The following P2RY10 variants were observed in gnomAD, a reference collection of about 807,000 sequenced individuals.
P2RY10 encodes putative P2Y purinoceptor 10.
P2RY10 carries 4 observed loss-of-function variants against 12.1 expected under a neutral mutation model. That is an observed-to-expected ratio of 0.33 (90% CI 0.16 to 0.76). The LOEUF (loss-of-function observed/expected upper bound fraction) is 0.76. Among genes scored for constraint, P2RY10 ranks in the 30% least tolerant of loss-of-function variants. P2RY10 has a pLI of 0.61. For missense variants in P2RY10, 233 were observed against 264.6 expected, an observed-to-expected ratio of 0.88 and a Z score of 0.83; for synonymous variants, 112 against 94.1, an observed-to-expected ratio of 1.19 and a Z score of -1.10.
chrX:78,957,571 G>T (rs1325796839), intron 3 of P2RY10, among the ~76,000 whole-genome samples: 1 of 111,003 alleles, frequency 9.0e-6, no homozygotes, highest in Non-Finnish European at 1.9e-5. Context: ...CTCTAAGAGA[G>T]TCTATGTTTC....
chrX:78,955,129 G>A (rs1922278845), intron 3 of P2RY10, among the ~76,000 whole-genome samples: 2 of 107,756 alleles, frequency 1.9e-5, no homozygotes, highest in Admixed American at 2.0e-4. Flanking sequence ...AGCTAAAATA[G>A]TACTGGTATC....
At chrX:78,951,530 T>C (rs954056390) in intron 2 of P2RY10, among the ~76,000 whole-genome samples, 4 of 111,157 alleles carry the variant, frequency 3.6e-5, no homozygotes, top group Non-Finnish European at 7.5e-5. Flanking sequence ...GCCTATAAAT[T>C]CAGTAGGTGT....
rs1015203409 is a variant in P2RY10, at chrX:78,945,708, A to G, written c.-206+213A>G. On this transcript the variant is annotated intron_variant, in intron 1 of 3. Coordinates refer to ENST00000171757, the MANE Select transcript of P2RY10 (RefSeq NM_014499.4). ...AACGTTAATGCCATCAGTCCTCTTC[A>G]TTATGCCAGGAGCATGGAGTCTGTG... Among the ~76,000 whole-genome samples, 5 of 112,008 alleles carry G rather than the reference A, an allele frequency of 4.5e-5. No homozygotes were observed. The East Asian group carries it at 1.4e-3, about 31-fold the overall frequency.
At chrX:78,946,169 G>A (rs1288684298) in intron 1 of P2RY10, among the ~76,000 whole-genome samples, 1 of 111,533 alleles carries the variant, frequency 9.0e-6, no homozygotes, top group Non-Finnish European at 1.9e-5. Context: ...GCATCTCCCA[G>A]AGAATACTGT....
intron 1 of P2RY10, among the ~76,000 whole-genome samples, chrX:78,947,214 C>CA (rs201603515): frequency 0.015 from 1,486 of 100,425 alleles, 33 homozygotes; most frequent in African/African-American, 0.05. Flanking sequence ...GACTCTGGCT[C>CA]AAAAAAAAAA....
intron 3 of P2RY10, among the ~76,000 whole-genome samples, chrX:78,952,764 C>A (rs1194535318): frequency 9.0e-6 from 1 of 111,672 alleles, no homozygotes; most frequent in East Asian, 2.8e-4. Context: ...AAGAAGAGTG[C>A]TGCTATAAAT....
In P2RY10 at chrX:78,960,841, G is replaced by T. The variant is rs758031797; in HGVS notation, c.321G>T (p.Leu107=). The change falls in exon 4 of 4, where the codon CTG becomes CTT. Residue 107 remains leucine (L), a synonymous_variant. Coordinates refer to ENST00000171757, the MANE Select transcript of P2RY10 (RefSeq NM_014499.4). Reference sequence around the variant, plus strand: ...GGCCTTTCCAGAGAGCCCTTTGCCTGCTCTGCTTCTACCTGAAGTATCTCA... The same window carrying T: ...GGCCTTTCCAGAGAGCCCTTTGCCTTCTCTGCTTCTACCTGAAGTATCTCA... The part of the protein sequence containing the change: ...HHWPFQRALC[L]LCFYLKYLNM... The T allele has an allele frequency of 8.1e-5, 98 of 1,209,024 alleles. No individual in the cohort carries two copies. In the Admixed American group the frequency reaches 2.1e-3, roughly 26 times the overall value.
intron 3 of P2RY10, among the ~76,000 whole-genome samples, chrX:78,960,238 A>T (rs1922540656): frequency 8.9e-6 from 1 of 112,207 alleles, no homozygotes; most frequent in African/African-American, 3.2e-5. Context: ...AAAAGATTTA[A>T]CATTTCAAGA....
chrX:78,961,684 G>C lies in P2RY10; in HGVS notation c.*144G>C, dbSNP rs1922633959. ...TTTGTGTAATATTCACAGTCAACAG[G>C]GGTGTGATGGTGAAGGCAGAGTGTG... On this transcript the variant is annotated 3_prime_UTR_variant, in exon 4 of 4. Coordinates refer to ENST00000171757, the MANE Select transcript of P2RY10 (RefSeq NM_014499.4). 2 of 431,846 alleles carry C rather than the reference G, an allele frequency of 4.6e-6. No homozygotes were observed. The highest frequency in any genetic ancestry group is 7.9e-6 in the Non-Finnish European group (2 of 251,934). 35.6% of individuals were successfully genotyped at this position (431,846 alleles called of 1,213,427 possible).
In P2RY10 at chrX:78,961,707, G is replaced by C. The variant is rs1232449251; in HGVS notation, c.*167G>C. 2.8e-6 allele frequency: 1 copy of C among 363,619 alleles called. No homozygotes were observed. Among genetic ancestry groups the C allele is most frequent in the Non-Finnish European group, 4.8e-6 (1 of 206,943 alleles). The allele number at this position is 363,619 out of a possible 1,213,427, so 30.0% of individuals were successfully genotyped here. On this transcript the variant is annotated 3_prime_UTR_variant, in exon 4 of 4. Coordinates refer to ENST00000171757, the MANE Select transcript of P2RY10 (RefSeq NM_014499.4). ...AGGGGTGTGATGGTGAAGGCAGAGTGTGAAAAACGTGAGAGAGGAAGAGAA... is the reference window on the plus strand; with the variant it reads ...AGGGGTGTGATGGTGAAGGCAGAGTCTGAAAAACGTGAGAGAGGAAGAGAA...
intron 1 of P2RY10, among the ~76,000 whole-genome samples, chrX:78,947,204 G>T (rs1380167199): frequency 5.5e-5 from 6 of 108,540 alleles, no homozygotes; most frequent in African/African-American, 1.4e-4. Context: ...GACAGACCAA[G>T]ACTCTGGCTC....
Position 78,956,614 on chromosome X carries a change from T to C in P2RY10, c.-13-3894T>C, listed in dbSNP as rs190283225. Among the ~76,000 whole-genome samples, 422 of 109,764 alleles carry C rather than the reference T, an allele frequency of 3.8e-3. 4 individuals carry two copies. Among genetic ancestry groups the C allele is most frequent in the Non-Finnish European group, 5.1e-3 (268 of 52,662 alleles). On this transcript the variant is annotated intron_variant, in intron 3 of 3. Transcript: ENST00000171757. ...AAAAACCCTAAATTACAAATGTTGA[T>C]GCTAAAAAGAGAAAGAACAGAGAGT...
At chrX:78,950,029 A>G (rs1922035350) in intron 2 of P2RY10, among the ~76,000 whole-genome samples, 1 of 112,358 alleles carries the variant, frequency 8.9e-6, no homozygotes, top group Non-Finnish European at 1.9e-5. Flanking sequence ...GGCCCCCATC[A>G]GCAACTTGTT....
chrX:78,955,096 A>T (rs747977359), intron 3 of P2RY10, among the ~76,000 whole-genome samples: 8 of 112,172 alleles, frequency 7.1e-5, no homozygotes, highest in Non-Finnish European at 1.5e-4. Flanking sequence ...TGTTCTATTT[A>T]AATCCTATAT....
chrX:78,947,795 T>C lies in P2RY10; in HGVS notation c.-205-20T>C, dbSNP rs1193479076. ...AGAGAACTGAGTATCCTTTCCCAAT[T>C]GCCATTATATTTCTTTCAGGTAATG... On this transcript the variant is annotated intron_variant, in intron 1 of 3. Transcript: ENST00000171757. 3 of 590,752 alleles carry C rather than the reference T, an allele frequency of 5.1e-6. No homozygotes were observed. In the East Asian group the frequency reaches 5.0e-4, roughly 99 times the overall value. The allele number at this position is 590,752 out of a possible 1,213,427, so 48.7% of individuals were successfully genotyped here.
In P2RY10 at chrX:78,960,497, A is replaced by G; in HGVS notation, c.-13-11A>G. The G allele has an allele frequency of 8.4e-7, 1 of 1,184,373 alleles. No homozygotes were observed. Among genetic ancestry groups the G allele is most frequent in the Non-Finnish European group, 1.1e-6 (1 of 879,095 alleles). On this transcript the variant is annotated splice_polypyrimidine_tract_variant and intron_variant, in intron 3 of 3. Coordinates refer to ENST00000171757, the MANE Select transcript of P2RY10 (RefSeq NM_014499.4). The stretch of plus-strand genomic sequence containing the variant: ...ACCATTTTACTCTTTATTTTGTTTT[A>G]CTTTGGGCAGGAACCATAAATCCAT...
intron 1 of P2RY10, among the ~76,000 whole-genome samples, chrX:78,946,584 G>A (rs183191386): frequency 7.1e-5 from 8 of 112,257 alleles, no homozygotes; most frequent in Admixed American, 2.8e-4. Context: ...AAATGGATGT[G>A]TGGAGTCATT....
intron 1 of P2RY10, among the ~76,000 whole-genome samples, chrX:78,946,244 G>T (rs1921828917): frequency 8.9e-6 from 1 of 112,078 alleles, no homozygotes; most frequent in Admixed American, 9.4e-5. Flanking sequence ...GATGACTTCA[G>T]AGTCTGGTCA....
chrX:78,946,674 T>C (rs1017788927), intron 1 of P2RY10, among the ~76,000 whole-genome samples: 2 of 112,526 alleles, frequency 1.8e-5, no homozygotes, highest in African/African-American at 3.2e-5. Context: ...GTAGGTGATA[T>C]GCAGATATAC....
Sources: gnomAD v4.1 joint callset for allele counts (sites outside exome capture counted in the v4.1 genomes callset) on GRCh38, gnomAD v4.1.1 for gene constraint, MANE v1.5 for transcripts, NCBI Gene and HGNC (gene_info 2026-07-23, HGNC 2026-07-21) for gene names.